The following PHLDB2 variants were observed in gnomAD, a reference collection of about 807,000 sequenced individuals.
PHLDB2 encodes the protein pleckstrin homology-like domain family B member 2.
PHLDB2 carries 71 observed loss-of-function variants against 123.6 expected under a neutral mutation model. That is an observed-to-expected ratio of 0.57 (90% CI 0.47 to 0.70). PHLDB2 has a LOEUF of 0.70. Among genes scored for constraint, PHLDB2 ranks in the 30% least tolerant of loss-of-function variants. The probability of loss-of-function intolerance (pLI) is 0.00; values close to 1 mark genes in which losing one functional copy is unlikely to be tolerated. For synonymous variants in PHLDB2, 547 were observed against 541.6 expected (o/e 1.01, Z -0.14); for missense variants, 1,446 against 1,519.5 (o/e 0.95, Z 0.80).
At chr3:111,901,166 T>C (rs1422201385) in intron 2 of PHLDB2, among the ~76,000 whole-genome samples, 1 of 152,022 alleles carries the variant, frequency 6.6e-6, no homozygotes, top group Non-Finnish European at 1.5e-5. Context: ...GAGACCATCC[T>C]GGCTAACACG....
intron 1 of PHLDB2, chr3:111,779,970 G>C: frequency 9.3e-6 from 6 of 643,508 alleles, no homozygotes; most frequent in Non-Finnish European, 1.2e-5. Flanking sequence ...GAGGAGAGTC[G>C]AGGACTCTGA....
At chr3:111,901,668 C>T (rs2067213269) in intron 2 of PHLDB2, among the ~76,000 whole-genome samples, 1 of 152,086 alleles carries the variant, frequency 6.6e-6, no homozygotes, top group South Asian at 2.1e-4. Context: ...CAAACAAGAT[C>T]TTCTGGAACT....
intron 2 of PHLDB2, among the ~76,000 whole-genome samples, chr3:111,895,638 A>G (rs2066795170): frequency 6.6e-6 from 1 of 152,214 alleles, no homozygotes; most frequent in Admixed American, 6.5e-5. Context: ...ACCTGCGGTC[A>G]GGAGTTCGAG....
intron 1 of PHLDB2, among the ~76,000 whole-genome samples, chr3:111,750,469 G>T (rs1331007016): frequency 5.3e-5 from 8 of 152,186 alleles, no homozygotes; most frequent in Non-Finnish European, 1.0e-4. Context: ...TGCAATGCAA[G>T]TTTCAGAAGT....
intron 1 of PHLDB2, among the ~76,000 whole-genome samples, chr3:111,792,487 C>G (rs1448248497): frequency 6.6e-6 from 1 of 152,108 alleles, no homozygotes; most frequent in South Asian, 2.1e-4. Context: ...GGAAGAATCG[C>G]TTGAGCCCAG....
chr3:111,822,332 T>TAA (rs1385910086), intron 1 of PHLDB2, among the ~76,000 whole-genome samples: 1 of 151,922 alleles, frequency 6.6e-6, no homozygotes, highest in Admixed American at 6.6e-5. Flanking sequence ...TATATATATA[T>TAA]AATGGTACAC....
intron 13 of PHLDB2, among the ~76,000 whole-genome samples, chr3:111,962,929 C>CAAA (rs57625439): frequency 4.2e-4 from 39 of 93,740 alleles, no homozygotes; most frequent in Non-Finnish European, 5.6e-4. Flanking sequence ...AACTCCATCT[C>CAAA]AAAAAAAAAA....
intron 1 of PHLDB2, among the ~76,000 whole-genome samples, chr3:111,807,245 G>A (rs143461903): frequency 6.6e-6 from 1 of 152,198 alleles, no homozygotes; most frequent in African/African-American, 2.4e-5. Context: ...TAAGTGTACA[G>A]AGTACCAAAC....
chr3:111,855,813 AG>A (rs1306471184), upstream of PHLDB2, among the ~76,000 whole-genome samples: 1 of 151,898 alleles, frequency 6.6e-6, no homozygotes, highest in Non-Finnish European at 1.5e-5. Flanking sequence ...TTGTATTTTT[AG>A]TAGAGACGGG....
chr3:111,737,177 AG>A, intron 1 of PHLDB2, among the ~76,000 whole-genome samples: 1 of 152,212 alleles, frequency 6.6e-6, no homozygotes, highest in East Asian at 1.9e-4. Context: ...GATGTTCTGA[AG>A]GGTCCGGGAG....
chr3:111,752,219 A>AGTGTGTGTGTGT (rs57931243), intron 1 of PHLDB2, among the ~76,000 whole-genome samples: 3,012 of 146,912 alleles, frequency 0.021, 50 homozygotes, highest in Non-Finnish European at 0.027. Flanking sequence ...GAAGTTTCTA[A>AGTGTGTGTGTGT]GTGTGTGTGT....
chr3:111,874,581 A>G (rs1014351023), intron 1 of PHLDB2, among the ~76,000 whole-genome samples: 2 of 152,172 alleles, frequency 1.3e-5, no homozygotes, highest in Non-Finnish European at 2.9e-5. Flanking sequence ...TAGTTGTCCT[A>G]GCAGGGGGGT....
At chr3:111,893,159 C>T (rs2107384420) in intron 2 of PHLDB2, among the ~76,000 whole-genome samples, 1 of 151,548 alleles carries the variant, frequency 6.6e-6, no homozygotes, top group Middle Eastern at 3.4e-3. Flanking sequence ...ATAAGTTTGA[C>T]AATATTTTTT....
intron 1 of PHLDB2, among the ~76,000 whole-genome samples, chr3:111,831,880 T>A (rs2063054327): frequency 1.3e-5 from 2 of 152,166 alleles, no homozygotes; most frequent in South Asian, 4.1e-4. Flanking sequence ...TTATGTTGAA[T>A]CCAGGGTAAA....
At chr3:111,838,023 CAG>C (rs1375030957) in intron 1 of PHLDB2, among the ~76,000 whole-genome samples, 5 of 146,434 alleles carry the variant, frequency 3.4e-5, no homozygotes, top group African/African-American at 5.1e-5. Flanking sequence ...GCCTGGGTGA[CAG>C]AGGGAGACTC....
At chr3:111,857,902 CTCAGGGA>C (rs1251800226), upstream of PHLDB2, among the ~76,000 whole-genome samples, 2 of 152,168 alleles carry the variant, frequency 1.3e-5, no homozygotes, top group Non-Finnish European at 2.9e-5. Flanking sequence ...GTGGCGATTC[CTCAGGGA>C]TCTAGAACTA....
At chr3:111,904,486 A>G (rs981648360) in intron 2 of PHLDB2, among the ~76,000 whole-genome samples, 2 of 152,160 alleles carry the variant, frequency 1.3e-5, no homozygotes, top group Admixed American at 1.3e-4. Context: ...TCCAGTCTGC[A>G]TAAAGGCAGG....
chr3:111,929,719 TC>T (rs1211173215), intron 5 of PHLDB2, among the ~76,000 whole-genome samples: 8 of 152,080 alleles, frequency 5.3e-5, no homozygotes, highest in Non-Finnish European at 4.4e-5. Context: ...TCCCTTTACT[TC>T]CTTTGCCCTA....
intron 1 of PHLDB2, among the ~76,000 whole-genome samples, chr3:111,819,268 T>C (rs1252329790): frequency 6.6e-6 from 1 of 152,008 alleles, no homozygotes; most frequent in African/African-American, 2.4e-5. Flanking sequence ...GGGGTGGCTG[T>C]GGGGCAAAAT....
Sources: allele counts gnomAD v4.1 joint callset (sites outside exome capture counted in the v4.1 genomes callset), GRCh38; gene constraint gnomAD v4.1.1; transcripts MANE v1.5; gene names NCBI Gene and HGNC (gene_info 2026-07-23, HGNC 2026-07-21).